The following CAMK1D variants were observed in gnomAD, a reference collection of about 807,000 sequenced individuals.
CAMK1D encodes calcium/calmodulin dependent protein kinase ID, also known as calcium/calmodulin-dependent protein kinase type 1D.
In CAMK1D, 9 loss-of-function variants were observed where a neutral mutation model predicts 47.7. That is an observed-to-expected ratio of 0.19 (90% CI 0.11 to 0.33). The LOEUF (loss-of-function observed/expected upper bound fraction) is 0.33. Ranked by LOEUF, CAMK1D falls within the 10% of genes least tolerant of loss-of-function variation. The pLI is 1.00. For missense variants in CAMK1D, 291 were observed against 488.7 expected, an observed-to-expected ratio of 0.60 and a Z score of 3.81; for synonymous variants, 184 against 184.9, an observed-to-expected ratio of 0.99 and a Z score of 0.04.
At chr10:12,394,113 G>A (rs193136433) in intron 1 of CAMK1D, among the ~76,000 whole-genome samples, 16 of 152,286 alleles carry the variant, frequency 1.1e-4, no homozygotes, top group Admixed American at 7.2e-4. Flanking sequence ...ACGTTTGATC[G>A]TTTGCGATAA....
At chr10:12,727,971 G>A (rs886594385) in intron 3 of CAMK1D, among the ~76,000 whole-genome samples, 4 of 152,112 alleles carry the variant, frequency 2.6e-5, no homozygotes, top group Non-Finnish European at 5.9e-5. Flanking sequence ...TCACCATGCT[G>A]GCCGGGCTGG....
At chr10:12,622,172 A>G (rs1191112379) in intron 2 of CAMK1D, among the ~76,000 whole-genome samples, 1 of 152,158 alleles carries the variant, frequency 6.6e-6, no homozygotes, top group Non-Finnish European at 1.5e-5. Flanking sequence ...CCCTTGGTAC[A>G]GCCTTGTGAG....
At chr10:12,800,176 C>T (rs904173819) in intron 6 of CAMK1D, among the ~76,000 whole-genome samples, 1 of 152,184 alleles carries the variant, frequency 6.6e-6, no homozygotes, top group Non-Finnish European at 1.5e-5. Context: ...GAAACGCACA[C>T]AATCAAATAT....
intron 1 of CAMK1D, among the ~76,000 whole-genome samples, chr10:12,359,748 A>G (rs1431463776): frequency 6.6e-6 from 1 of 152,120 alleles, no homozygotes; most frequent in Non-Finnish European, 1.5e-5. Flanking sequence ...GACTCAAGGA[A>G]CTTACTTACA....
intron 1 of CAMK1D, among the ~76,000 whole-genome samples, chr10:12,515,632 C>A (rs1187649818): frequency 1.6e-5 from 2 of 128,026 alleles, no homozygotes; most frequent in African/African-American, 2.9e-5. Context: ...TTTTTTGAGA[C>A]AGAGTCTCGC....
At chr10:12,385,557 T>C (rs570896182) in intron 1 of CAMK1D, among the ~76,000 whole-genome samples, 1 of 152,196 alleles carries the variant, frequency 6.6e-6, no homozygotes, top group South Asian at 2.1e-4. Context: ...GACAAATCTA[T>C]AGATACAGAA....
intron 6 of CAMK1D, among the ~76,000 whole-genome samples, chr10:12,802,241 C>G (rs73576067): frequency 0.024 from 3,589 of 152,308 alleles, 67 homozygotes; most frequent in African/African-American, 0.056. Context: ...CTCCTGTCCC[C>G]TGGCCAGCCT....
At chr10:12,779,543 C>T (rs939210366) in intron 5 of CAMK1D, among the ~76,000 whole-genome samples, 2 of 152,280 alleles carry the variant, frequency 1.3e-5, no homozygotes, top group South Asian at 4.1e-4. Flanking sequence ...GATCCTCCCA[C>T]CTCAGCCTCC....
intron 4 of CAMK1D, among the ~76,000 whole-genome samples, chr10:12,765,576 C>A (rs572600181): frequency 6.6e-6 from 1 of 152,242 alleles, no homozygotes; most frequent in Non-Finnish European, 1.5e-5. Flanking sequence ...GAGCTGAAAT[C>A]TTCCACCCGC....
chr10:12,688,811 G>A (rs1832757945), intron 3 of CAMK1D, among the ~76,000 whole-genome samples: 1 of 152,130 alleles, frequency 6.6e-6, no homozygotes. Context: ...TACCCCCTGA[G>A]TAGTTGAGAT....
chr10:12,674,747 T>C (rs1054263480), intron 3 of CAMK1D, among the ~76,000 whole-genome samples: 2 of 151,868 alleles, frequency 1.3e-5, no homozygotes, highest in African/African-American at 4.8e-5. Flanking sequence ...AGAATATTAA[T>C]CCAGGGTCAG....
chr10:12,640,123 C>A (rs903743908), intron 2 of CAMK1D, among the ~76,000 whole-genome samples: 3 of 152,164 alleles, frequency 2.0e-5, no homozygotes, highest in African/African-American at 7.2e-5. Context: ...ATCAGCGCTC[C>A]TAGCCCCAGC....
In CAMK1D at chr10:12,567,020, A is replaced by C. The variant is rs546989980; in HGVS notation, c.224+13664A>C. 1.4e-4 allele frequency among the ~76,000 whole-genome samples: 21 copies of C among 152,304 alleles called. No homozygotes were observed. The South Asian group carries it at 3.5e-3, about 26-fold the overall frequency. On this transcript the variant is annotated intron_variant, in intron 2 of 10. Transcript: ENST00000619168. ...CTCAGAGGCCCGTCGCCGAGCCTGC[A>C]GTACAGGTTAAACATTGGAGAGGCT...
intron 3 of CAMK1D, 173 bp downstream of exon 3, chr10:12,666,983 C>T (rs1840453157): frequency 1.7e-6 from 1 of 596,950 alleles, no homozygotes; most frequent in Non-Finnish European, 3.0e-6. Context: ...GGGCTGCACA[C>T]AGGCGTCTAC....
chr10:12,714,352 C>T (rs574345175), intron 3 of CAMK1D, among the ~76,000 whole-genome samples: 139 of 152,066 alleles, frequency 9.1e-4, no homozygotes, highest in Non-Finnish European at 1.6e-3. Flanking sequence ...TGCTCCCAGC[C>T]CAGAGAGGTT....
At chr10:12,658,911 C>T (rs532353256) in intron 2 of CAMK1D, among the ~76,000 whole-genome samples, 1 of 152,298 alleles carries the variant, frequency 6.6e-6, no homozygotes, top group African/African-American at 2.4e-5. Flanking sequence ...GCAAGAACCC[C>T]AGGATACAGA....
chr10:12,801,517 CTATT>C (rs1294979992), intron 6 of CAMK1D, among the ~76,000 whole-genome samples: 1 of 151,394 alleles, frequency 6.6e-6, no homozygotes, highest in African/African-American at 2.4e-5. Flanking sequence ...TATCCATCTT[CTATT>C]TGTTTATCCA....
At chr10:12,818,276 TC>T (rs1035675191) in intron 8 of CAMK1D, among the ~76,000 whole-genome samples, 1 of 152,322 alleles carries the variant, frequency 6.6e-6, no homozygotes, top group Non-Finnish European at 1.5e-5. Flanking sequence ...TTATTGAGTC[TC>T]TATTATATTC....
chr10:12,824,242 G>A (rs745343468), intron 8 of CAMK1D, among the ~76,000 whole-genome samples: 17 of 152,038 alleles, frequency 1.1e-4, no homozygotes, highest in Non-Finnish European at 1.9e-4. Flanking sequence ...GGGAGGGTGC[G>A]GAGTGTAGAA....
Sources: allele counts gnomAD v4.1 joint callset (sites outside exome capture counted in the v4.1 genomes callset), GRCh38; gene constraint gnomAD v4.1.1; transcripts MANE v1.5; gene names NCBI Gene and HGNC (gene_info 2026-07-23, HGNC 2026-07-21).